The following ANKDD1A variants were observed in gnomAD, a reference collection of about 807,000 sequenced individuals.
ANKDD1A encodes the protein ankyrin repeat and death domain containing 1A, also known as ankyrin repeat and death domain-containing protein 1A.
ANKDD1A carries 59 observed loss-of-function variants against 63.5 expected under a neutral mutation model. The ratio of observed to expected loss-of-function variants is 0.93; its 90% CI spans 0.75 to 1.15. The LOEUF is 1.15. ANKDD1A is among the 50% of genes most tolerant of loss of function. The pLI is 0.00. For missense variants in ANKDD1A, 632 were observed against 656.4 expected (o/e 0.96, Z 0.41); for synonymous variants, 266 against 263.9 (o/e 1.01, Z -0.08).
At chr15:64,927,653 G>A (rs1402188280) in intron 6 of ANKDD1A, among the ~76,000 whole-genome samples, 2 of 145,462 alleles carry the variant, frequency 1.4e-5, no homozygotes, top group African/African-American at 5.1e-5. Flanking sequence ...CGTCCAGGCT[G>A]GAGTGCAGTG....
At chr15:64,938,195 T>C (rs1019191447) in intron 9 of ANKDD1A, among the ~76,000 whole-genome samples, 1 of 152,178 alleles carries the variant, frequency 6.6e-6, no homozygotes, top group Non-Finnish European at 1.5e-5. Flanking sequence ...TATGTAGATA[T>C]CATGCTCTCA....
Position 64,915,787 on chromosome 15 carries a change from C to A in ANKDD1A, c.35-10C>A. 6.2e-7 allele frequency: 1 copy of A among 1,613,306 alleles called. No individual in the cohort carries two copies. The highest frequency in any genetic ancestry group is 8.5e-7 in the Non-Finnish European group (1 of 1,179,454). On this transcript the variant is annotated splice_polypyrimidine_tract_variant and intron_variant, in intron 1 of 14. Transcript: ENST00000319580. ...TCCCCCTCATCCTGCACCCCATTTT[C>A]TCCCCACAGTGCTTCCTCTGGAGAG...
At chr15:64,952,611 C>T (rs1343860363) in intron 14 of ANKDD1A, among the ~76,000 whole-genome samples, 2 of 89,422 alleles carry the variant, frequency 2.2e-5, no homozygotes, top group East Asian at 3.6e-4. Context: ...CTTCTTCTTC[C>T]TCCTCTCCTT....
At chr15:64,921,388 G>A (rs1291386164) in intron 3 of ANKDD1A, among the ~76,000 whole-genome samples, 1 of 151,252 alleles carries the variant, frequency 6.6e-6, no homozygotes, top group Non-Finnish European at 1.5e-5. Flanking sequence ...TTGTTTGTTT[G>A]TTTTGAGACG....
At chr15:64,925,630 C>G (rs1229070054) in intron 4 of ANKDD1A, among the ~76,000 whole-genome samples, 1 of 152,158 alleles carries the variant, frequency 6.6e-6, no homozygotes, top group Non-Finnish European at 1.5e-5. Context: ...TACCTAGAAC[C>G]TTCTTAACTG....
intron 9 of ANKDD1A, among the ~76,000 whole-genome samples, chr15:64,934,840 TC>T (rs1254405017): frequency 6.6e-6 from 1 of 151,978 alleles, no homozygotes; most frequent in African/African-American, 2.4e-5. Context: ...TTACTATTAA[TC>T]TTTTATGTTG....
intron 9 of ANKDD1A, among the ~76,000 whole-genome samples, chr15:64,942,253 T>G (rs964165841): frequency 3.3e-5 from 5 of 152,134 alleles, no homozygotes; most frequent in African/African-American, 1.2e-4. Context: ...CCCTTGGGTC[T>G]TCAGACCCTC....
At position 64,958,394 on chromosome 15, in the gene ANKDD1A, T is replaced by C. The variant is rs1429822035; in HGVS notation, c.*1206T>C. On this transcript the variant is annotated 3_prime_UTR_variant, in exon 15 of 15. Coordinates refer to ENST00000319580, the MANE Select transcript of ANKDD1A (RefSeq NM_182703.6). ...CCACACTGATGCCAGATGTTAATAATCGGGGAAACTGTGTGTGCTGAAGAG... is the reference window on the plus strand; with the variant it reads ...CCACACTGATGCCAGATGTTAATAACCGGGGAAACTGTGTGTGCTGAAGAG... The C allele has an allele frequency of 6.6e-6, 1 of 152,200 alleles. No homozygotes were observed. Among genetic ancestry groups the C allele is most frequent in the Admixed American group, 6.5e-5 (1 of 15,278 alleles). 9.4% of individuals were successfully genotyped at this position (152,200 alleles called of 1,614,324 possible). A position where few individuals can be genotyped will look rare whatever the true frequency, so the allele number is the denominator to read the frequency against.
chr15:64,916,709 A>G (rs754083232), intron 2 of ANKDD1A, among the ~76,000 whole-genome samples: 7 of 152,234 alleles, frequency 4.6e-5, no homozygotes, highest in Non-Finnish European at 1.0e-4. Flanking sequence ...TGAGGTAGGA[A>G]GGAGCAGCTG....
chr15:64,911,995 G>GCCCCCC, intron 1 of ANKDD1A, 31 bp downstream of exon 1: 1 of 300,896 alleles, frequency 3.3e-6, no homozygotes, highest in Non-Finnish European at 5.8e-6. Flanking sequence ...GAGGGGGGCG[G>GCCCCCC]GCCGAGGCCG....
chr15:64,943,088 C>G (rs2085196895), intron 10 of ANKDD1A, among the ~76,000 whole-genome samples: 1 of 152,188 alleles, frequency 6.6e-6, no homozygotes, highest in Non-Finnish European at 1.5e-5. Context: ...CTGCTGGGAA[C>G]TCAGCCTTGA....
At chr15:64,953,641 C>T (rs1270796237) in intron 14 of ANKDD1A, among the ~76,000 whole-genome samples, 115 of 3,966 alleles carry the variant, frequency 0.029, 2 homozygotes, top group South Asian at 0.066. Context: ...CTTCTTCTTC[C>T]TCTTCCTTCT....
intron 9 of ANKDD1A, among the ~76,000 whole-genome samples, chr15:64,937,449 C>T (rs887049033): frequency 2.6e-5 from 4 of 152,102 alleles, no homozygotes; most frequent in Admixed American, 6.6e-5. Flanking sequence ...ATGAGGACGG[C>T]CGGGCGCAGT....
At chr15:64,948,830 A>G (rs1048623464) in intron 13 of ANKDD1A, among the ~76,000 whole-genome samples, 1 of 152,078 alleles carries the variant, frequency 6.6e-6, no homozygotes, top group Non-Finnish European at 1.5e-5. Flanking sequence ...TGTCTCCCAA[A>G]GGAAAAAAAA....
chr15:64,937,207 G>T (rs1270090804), intron 9 of ANKDD1A, among the ~76,000 whole-genome samples: 1 of 152,030 alleles, frequency 6.6e-6, no homozygotes, highest in Admixed American at 6.6e-5. Context: ...TGTTCAGAGG[G>T]TAATTTACCA....
chr15:64,950,259 T>C (rs1051606705), intron 14 of ANKDD1A: 1 of 985,448 alleles, frequency 1.0e-6, no homozygotes, highest in Non-Finnish European at 1.2e-6. Context: ...ACCAGCCCTC[T>C]ATACCTTGAC....
Position 64,953,742 on chromosome 15 carries a change from T to C in ANKDD1A, c.1484-3361T>C, listed in dbSNP as rs1249215173. Among the ~76,000 whole-genome samples, 3 of 145,484 alleles carry C rather than the reference T, an allele frequency of 2.1e-5. No individual in the cohort carries two copies. In the East Asian group the frequency reaches 6.0e-4, roughly 29 times the overall value. ...CTTCTCCTTCTTCTCCTCCTTCTTCTTTCCTCTTTTCTTCGTTCTTCTTCC... is the reference window on the plus strand; with the variant it reads ...CTTCTCCTTCTTCTCCTCCTTCTTCCTTCCTCTTTTCTTCGTTCTTCTTCC... On this transcript the variant is annotated intron_variant, in intron 14 of 14. Transcript: ENST00000319580.
chr15:64,935,605 G>C (rs1319228068), intron 9 of ANKDD1A, among the ~76,000 whole-genome samples: 1 of 151,958 alleles, frequency 6.6e-6, no homozygotes, highest in East Asian at 1.9e-4. Context: ...AACCCGGGAG[G>C]CAGAGCTTGC....
At chr15:64,945,854 A>C (rs866984352) in intron 12 of ANKDD1A, among the ~76,000 whole-genome samples, 1 of 151,130 alleles carries the variant, frequency 6.6e-6, no homozygotes, top group South Asian at 2.1e-4. Flanking sequence ...GGATGGTCTC[A>C]ATCTTCTGAC....
Sources: gnomAD v4.1 joint callset for allele counts (sites outside exome capture counted in the v4.1 genomes callset) on GRCh38, gnomAD v4.1.1 for gene constraint, MANE v1.5 for transcripts, NCBI Gene and HGNC (gene_info 2026-07-23, HGNC 2026-07-21) for gene names.